The following JRK variants were observed in gnomAD, a reference collection of about 807,000 sequenced individuals.
JRK encodes Jrk helix-turn-helix protein.
For synonymous variants in JRK, 303 were observed against 218.1 expected, an observed-to-expected ratio of 1.39 and a Z score of -3.43; for missense variants, 720 against 509.2, an observed-to-expected ratio of 1.41 and a Z score of -3.98.
chr8:142,667,184 A>G (rs1047746545), intron 1 of JRK, among the ~76,000 whole-genome samples: 5 of 133,856 alleles, frequency 3.7e-5, no homozygotes, highest in Admixed American at 1.6e-4. Context: ...CAGTTTCTCA[A>G]TCACCCTCTG....
Position 142,662,846 on chromosome 8 carries a change from C to T in JRK, c.*1506G>A, listed in dbSNP as rs1212349875. The T allele has an allele frequency of 1.0e-6, 1 of 985,250 alleles. No homozygotes were observed. Among genetic ancestry groups the T allele is most frequent in the African/African-American group, 1.7e-5 (1 of 57,222 alleles). The allele number at this position is 985,250 out of a possible 1,614,324, so 61.0% of individuals were successfully genotyped here. ...AGGAAAAGAATTCAAGGGCAAAGCA[C>T]TGAAAATAACATAGCAAGAAAAACC... On this transcript the variant is annotated 3_prime_UTR_variant, in exon 2 of 2. Coordinates refer to ENST00000612905, the MANE Select transcript of JRK (RefSeq NM_003724.4).
the JRK span, among the ~76,000 whole-genome samples, chr8:142,648,614 T>C: frequency 2.0e-5 from 3 of 152,190 alleles, no homozygotes; most frequent in Non-Finnish European, 4.4e-5. Context: ...TTCAGATGTA[T>C]GGAAATGCCT....
chr8:142,666,225 C>G lies in JRK; in HGVS notation c.-167G>C. ...ACAGGCCCCAGTCCCTCTCGGGTTT[C>G]TCACTCCACACGCTGCACCTCCTGC... On this transcript the variant is annotated 5_prime_UTR_variant, in exon 2 of 2. Transcript: ENST00000612905. 2 of 1,218,530 alleles carry G rather than the reference C, an allele frequency of 1.6e-6. No homozygotes were observed. Among genetic ancestry groups the G allele is most frequent in the Non-Finnish European group, 2.3e-6 (2 of 861,554 alleles). The allele number at this position is 1,218,530 out of a possible 1,614,324, so 75.5% of individuals were successfully genotyped here.
At chr8:142,655,306 A>C (rs11986892), downstream of JRK, among the ~76,000 whole-genome samples, 1,361 of 152,302 alleles carry the variant, frequency 8.9e-3, 18 homozygotes, top group African/African-American at 0.031. Flanking sequence ...CACAGACACC[A>C]TGTGTTAGGC....
Position 142,663,652 on chromosome 8 carries a change from T to C in JRK, c.*700A>G. 1.0e-6 allele frequency: 1 copy of C among 985,488 alleles called. No homozygotes were observed. Among genetic ancestry groups the C allele is most frequent in the Non-Finnish European group, 1.2e-6 (1 of 829,950 alleles). 61.0% of individuals were successfully genotyped at this position (985,488 alleles called of 1,614,324 possible). On this transcript the variant is annotated 3_prime_UTR_variant, in exon 2 of 2. Coordinates refer to ENST00000612905, the MANE Select transcript of JRK (RefSeq NM_003724.4). Reference sequence around the variant, plus strand: ...TCCTACTTTCTTCCCAGAAAGGAACTCTACCAAGTCAACTCTCCGTGGGGC... The same window carrying C: ...TCCTACTTTCTTCCCAGAAAGGAACCCTACCAAGTCAACTCTCCGTGGGGC...
the JRK span, among the ~76,000 whole-genome samples, chr8:142,648,123 G>A: frequency 6.6e-6 from 1 of 152,342 alleles, no homozygotes; most frequent in East Asian, 1.9e-4. Flanking sequence ...GCATTCAAGA[G>A]GTGACTTGGG....
chr8:142,663,179 T>C lies in JRK; in HGVS notation c.*1173A>G. Reference sequence around the variant, plus strand: ...AGAAAAGAAAAGGACAATGCACCTATTTTATGCTCGCTGAAAGACGAGGCT... The same window carrying C: ...AGAAAAGAAAAGGACAATGCACCTACTTTATGCTCGCTGAAAGACGAGGCT... On this transcript the variant is annotated 3_prime_UTR_variant, in exon 2 of 2. Coordinates refer to ENST00000612905, the MANE Select transcript of JRK (RefSeq NM_003724.4). 2.0e-6 allele frequency: 2 copies of C among 985,382 alleles called. No individual in the cohort carries two copies. Among genetic ancestry groups the C allele is most frequent in the Non-Finnish European group, 2.4e-6 (2 of 829,916 alleles). The allele number at this position is 985,382 out of a possible 1,614,324, so 61.0% of individuals were successfully genotyped here. A position where few individuals can be genotyped will look rare whatever the true frequency, so the allele number is the denominator to read the frequency against.
In JRK at chr8:142,660,742, C is replaced by T. The variant is rs1846889295; in HGVS notation, c.*3610G>A. ...TTATGTGGGGCGTGAGGTGAGGTCC[C>T]TGAGGTGCAGTGTGGACGGGTCTTG... On this transcript the variant is annotated 3_prime_UTR_variant, in exon 2 of 2. Coordinates refer to ENST00000612905, the MANE Select transcript of JRK (RefSeq NM_003724.4). 1.3e-5 allele frequency: 13 copies of T among 985,474 alleles called. No homozygotes were observed. Among genetic ancestry groups the T allele is most frequent in the Non-Finnish European group, 1.6e-5 (13 of 829,976 alleles). The allele number at this position is 985,474 out of a possible 1,614,324, so 61.0% of individuals were successfully genotyped here. A position where few individuals can be genotyped will look rare whatever the true frequency, so the allele number is the denominator to read the frequency against.
Position 142,665,969 on chromosome 8 carries a change from C to T in JRK, c.90G>A (p.Thr30=), listed in dbSNP as rs782149112. Residue 30 remains threonine, a synonymous_variant, in exon 2 of 2, where the codon ACG becomes ACA. Coordinates refer to ENST00000612905, the MANE Select transcript of JRK (RefSeq NM_003724.4). ...TCCGGCTCTCGCCCTTCTCCAGGCGCGTGCAGATGTCAATCTTCTCCTTCA... is the reference window on the plus strand; with the variant it reads ...TCCGGCTCTCGCCCTTCTCCAGGCGTGTGCAGATGTCAATCTTCTCCTTCA... ...LTLKEKIDIC[T]RLEKGESRKA... 4.7e-6 allele frequency: 5 copies of T among 1,055,446 alleles called. No homozygotes were observed. The highest frequency in any genetic ancestry group is 1.6e-5 in the African/African-American group (1 of 64,412). 65.4% of individuals were successfully genotyped at this position (1,055,446 alleles called of 1,614,324 possible).
Position 142,661,237 on chromosome 8 carries a change from G to C in JRK, c.*3115C>G. ...GCTCGCAGAAGGCCAGGCTGGCACA[G>C]GCAGGACAGGTGTTCTGTAAACCAA... On this transcript the variant is annotated 3_prime_UTR_variant, in exon 2 of 2. Coordinates refer to ENST00000612905, the MANE Select transcript of JRK (RefSeq NM_003724.4). 2.0e-6 allele frequency: 2 copies of C among 985,618 alleles called. No individual in the cohort carries two copies. Among genetic ancestry groups the C allele is most frequent in the Non-Finnish European group, 2.4e-6 (2 of 830,070 alleles). 61.1% of individuals were successfully genotyped at this position (985,618 alleles called of 1,614,324 possible).
the JRK span, among the ~76,000 whole-genome samples, chr8:142,649,420 A>C: frequency 8.4e-4 from 128 of 152,284 alleles, no homozygotes; most frequent in Non-Finnish European, 1.6e-3. Flanking sequence ...GAGAGTAAGT[A>C]AGTCTCACAA....
At chr8:142,649,499 T>C in the JRK span, among the ~76,000 whole-genome samples, 12 of 152,338 alleles carry the variant, frequency 7.9e-5, no homozygotes, top group Middle Eastern at 3.4e-3. Flanking sequence ...CTGCTATCCA[T>C]GTAAGACGTG....
the JRK span, among the ~76,000 whole-genome samples, chr8:142,647,058 A>G: frequency 6.6e-6 from 1 of 152,156 alleles, no homozygotes. Context: ...TGCTAAGGGG[A>G]GATTAAAGAT....
In JRK at chr8:142,660,506, C is replaced by T; in HGVS notation, c.*3846G>A. On this transcript the variant is annotated 3_prime_UTR_variant, in exon 2 of 2. Transcript: ENST00000612905. Reference sequence around the variant, plus strand: ...GCCTCAAACTCCTGGGCTTGGGGATCCTCCCGCCTCGGCCTCCTGAGTAGC... The same window carrying T: ...GCCTCAAACTCCTGGGCTTGGGGATTCTCCCGCCTCGGCCTCCTGAGTAGC... 1 of 851,390 alleles carries T rather than the reference C, an allele frequency of 1.2e-6. No homozygotes were observed. The allele number at this position is 851,390 out of a possible 1,614,324, so 52.7% of individuals were successfully genotyped here. A position where few individuals can be genotyped will look rare whatever the true frequency, so the allele number is the denominator to read the frequency against.
intron 1 of JRK, among the ~76,000 whole-genome samples, chr8:142,669,721 G>T (rs1847264576): frequency 6.6e-6 from 1 of 150,660 alleles, no homozygotes; most frequent in South Asian, 2.1e-4. Context: ...AGGGCTTCGG[G>T]TTCCGAGCGC....
chr8:142,656,993 G>A (rs1253804078), downstream of JRK, among the ~76,000 whole-genome samples: 5 of 152,182 alleles, frequency 3.3e-5, no homozygotes, highest in African/African-American at 1.2e-4. Context: ...TGTCTCTGTG[G>A]AAGCCTCTGG....
intron 1 of JRK, among the ~76,000 whole-genome samples, chr8:142,668,489 G>C (rs1008249681): frequency 4.0e-5 from 6 of 151,666 alleles, no homozygotes; most frequent in Admixed American, 6.6e-5. Context: ...GGGAACAGGA[G>C]GGAAGGCAAG....
At position 142,666,301 on chromosome 8, in the gene JRK, G is replaced by T; in HGVS notation, c.-243C>A. 1 of 627,522 alleles carries T rather than the reference G, an allele frequency of 1.6e-6. No homozygotes were observed. The highest frequency in any genetic ancestry group is 2.0e-5 in the South Asian group (1 of 50,936). The allele number at this position is 627,522 out of a possible 1,614,324, so 38.9% of individuals were successfully genotyped here. ...TCCACACACCTAGGCCTTGGCTCCT[G>T]GCAGTGCAGTCAGCTGCCAATTCTC... On this transcript the variant is annotated 5_prime_UTR_variant, in exon 2 of 2. Transcript: ENST00000612905.
downstream of JRK, among the ~76,000 whole-genome samples, chr8:142,655,121 T>C (rs1256787485): frequency 6.6e-6 from 1 of 152,130 alleles, no homozygotes; most frequent in Non-Finnish European, 1.5e-5. Context: ...GCATGCCCCC[T>C]TGAGATGGGT....
Sources: allele counts gnomAD v4.1 joint callset (sites outside exome capture counted in the v4.1 genomes callset), GRCh38; gene constraint gnomAD v4.1.1; transcripts MANE v1.5; gene names NCBI Gene and HGNC (gene_info 2026-07-23, HGNC 2026-07-21).